The following LGSN variants were observed in gnomAD, a reference collection of about 807,000 sequenced individuals.
LGSN encodes the protein lengsin, lens protein with glutamine synthetase domain.
Under a neutral mutation model 19.5 loss-of-function variants are expected in LGSN, and 21 were observed. That is an observed-to-expected ratio of 1.07 (90% CI 0.76 to 1.55). LGSN has a LOEUF of 1.55. Among genes scored for constraint, LGSN ranks in the 40% most tolerant of loss-of-function variants. The probability of loss-of-function intolerance (pLI) is 0.00; values close to 1 mark genes in which losing one functional copy is unlikely to be tolerated. For missense variants in LGSN, 673 were observed against 608.5 expected, an observed-to-expected ratio of 1.11 and a Z score of -1.12; for synonymous variants, 257 against 215.6, an observed-to-expected ratio of 1.19 and a Z score of -1.68.
chr6:63,334,703 C>CA, the LGSN span, among the ~76,000 whole-genome samples: 1 of 152,146 alleles, frequency 6.6e-6, no homozygotes, highest in African/African-American at 2.4e-5. Flanking sequence ...TACCTGACTT[C>CA]AAAATATATT....
chr6:63,378,912 T>C, the LGSN span, among the ~76,000 whole-genome samples: 1 of 152,206 alleles, frequency 6.6e-6, no homozygotes, highest in African/African-American at 2.4e-5. Flanking sequence ...GCAGTTTGCT[T>C]TATTCTGAGG....
At chr6:63,515,394 A>G in the LGSN span, among the ~76,000 whole-genome samples, 7 of 151,772 alleles carry the variant, frequency 4.6e-5, no homozygotes, top group Admixed American at 4.6e-4. Context: ...ACCATGTCCA[A>G]CTAATTTTGT....
chr6:63,389,459 T>G, the LGSN span, among the ~76,000 whole-genome samples: 1 of 152,220 alleles, frequency 6.6e-6, no homozygotes, highest in East Asian at 1.9e-4. Context: ...TCCCACCGTC[T>G]TCTTCTGCAT....
At chr6:63,552,217 T>C in the LGSN span, among the ~76,000 whole-genome samples, 1 of 152,354 alleles carries the variant, frequency 6.6e-6, no homozygotes, top group East Asian at 1.9e-4. Flanking sequence ...ATTTCAATGA[T>C]TGGCATTCTA....
the LGSN span, among the ~76,000 whole-genome samples, chr6:63,462,003 T>C: frequency 6.6e-6 from 1 of 152,220 alleles, no homozygotes; most frequent in Non-Finnish European, 1.5e-5. Context: ...AATTATTTTC[T>C]AGGGTGGGAA....
the LGSN span, among the ~76,000 whole-genome samples, chr6:63,416,976 C>T: frequency 6.6e-5 from 10 of 151,308 alleles, no homozygotes; most frequent in African/African-American, 1.9e-4. Context: ...GAAAGTCGAA[C>T]TTACAGAAAA....
the LGSN span, among the ~76,000 whole-genome samples, chr6:63,498,581 T>A: frequency 1.3e-5 from 2 of 152,134 alleles, no homozygotes; most frequent in African/African-American, 4.8e-5. Flanking sequence ...AGTCAAGGTT[T>A]GCTGTAGTCA....
At chr6:63,510,945 A>G in the LGSN span, among the ~76,000 whole-genome samples, 81,326 of 151,740 alleles carry the variant, frequency 0.54, 23,599 homozygotes, top group African/African-American at 0.77. Context: ...AAAGTGCTGG[A>G]ATTACAGGCA....
the LGSN span, among the ~76,000 whole-genome samples, chr6:63,347,983 G>C: frequency 6.6e-6 from 1 of 152,102 alleles, no homozygotes; most frequent in Non-Finnish European, 1.5e-5. Flanking sequence ...TCTGCTTCTA[G>C]CTCTTGAAAA....
At chr6:63,467,320 C>T in the LGSN span, among the ~76,000 whole-genome samples, 1 of 151,734 alleles carries the variant, frequency 6.6e-6, no homozygotes, top group Admixed American at 6.6e-5. Flanking sequence ...AATATGGTAA[C>T]TATAAGATCA....
intron 1 of LGSN, among the ~76,000 whole-genome samples, chr6:63,313,480 G>A (rs1389025247): frequency 6.6e-6 from 1 of 152,160 alleles, no homozygotes; most frequent in Admixed American, 6.5e-5. Flanking sequence ...TACCAGGGGA[G>A]TACATAGAGG....
At chr6:63,505,417 A>C in the LGSN span, among the ~76,000 whole-genome samples, 1 of 151,536 alleles carries the variant, frequency 6.6e-6, no homozygotes, top group Non-Finnish European at 1.5e-5. Flanking sequence ...GTCTCTACTA[A>C]AAATACAAAA....
the LGSN span, among the ~76,000 whole-genome samples, chr6:63,459,710 T>C: frequency 6.6e-6 from 1 of 152,082 alleles, no homozygotes; most frequent in Non-Finnish European, 1.5e-5. Context: ...GGTCAGGAGT[T>C]CGAGAACAGC....
chr6:63,450,118 G>T, the LGSN span, among the ~76,000 whole-genome samples: 4 of 150,310 alleles, frequency 2.7e-5, no homozygotes, highest in Admixed American at 1.3e-4. Flanking sequence ...AGGCTGAGGC[G>T]GGTGGATCAC....
the LGSN span, among the ~76,000 whole-genome samples, chr6:63,356,208 G>A: frequency 3.0e-3 from 455 of 152,104 alleles, 3 homozygotes; most frequent in African/African-American, 0.01. Flanking sequence ...TCGTTTTGGG[G>A]AAAAACAATT....
chr6:63,408,520 A>G, the LGSN span, among the ~76,000 whole-genome samples: 2 of 146,986 alleles, frequency 1.4e-5, no homozygotes, highest in African/African-American at 5.3e-5. Context: ...ACCTTATACA[A>G]AAATTAATTC....
the LGSN span, chr6:63,573,308 A>T: frequency 6.6e-6 from 1 of 151,950 alleles, no homozygotes; most frequent in Admixed American, 6.6e-5. Context: ...GGCGTGGGGT[A>T]GGCCGGACAG....
chr6:63,439,198 C>G, the LGSN span, among the ~76,000 whole-genome samples: 1 of 151,718 alleles, frequency 6.6e-6, no homozygotes, highest in African/African-American at 2.4e-5. Flanking sequence ...ACTCTGGGGA[C>G]TGTTGTGGGG....
chr6:63,510,660 ATTTTTTTT>A, the LGSN span, among the ~76,000 whole-genome samples: 1,047 of 112,014 alleles, frequency 9.3e-3, 6 homozygotes, highest in African/African-American at 0.031. Context: ...CAAGAAGCGA[ATTTTTTTT>A]TTTTTTTTTT....
Sources: gnomAD v4.1 joint callset for allele counts (sites outside exome capture counted in the v4.1 genomes callset) on GRCh38, gnomAD v4.1.1 for gene constraint, MANE v1.5 for transcripts, NCBI Gene and HGNC (gene_info 2026-07-23, HGNC 2026-07-21) for gene names.